Variants in CDH8 observed in about 807,000 individuals in gnomAD.
CDH8 encodes cadherin 8.
CDH8 carries 17 observed loss-of-function variants against 68.1 expected under a neutral mutation model. The ratio of observed to expected loss-of-function variants is 0.25; its 90% confidence interval spans 0.17 to 0.37. The LOEUF is 0.37. Ranked by LOEUF, CDH8 falls within the 10% of genes least tolerant of loss-of-function variation. The probability of loss-of-function intolerance (pLI) is 1.00; values close to 1 mark genes in which losing one functional copy is unlikely to be tolerated. For synonymous variants in CDH8, 372 were observed against 365.1 expected (o/e 1.02, Z -0.21); for missense variants, 763 against 999.3 (o/e 0.76, Z 3.19).
At chr16:61,751,700 G>A (rs1340476394) in intron 8 of CDH8, among the ~76,000 whole-genome samples, 1 of 151,962 alleles carries the variant, frequency 6.6e-6, no homozygotes, top group Non-Finnish European at 1.5e-5. Context: ...TTTTGGTGTC[G>A]CAGGAAACAT....
At chr16:61,799,992 T>C (rs776477514) in intron 7 of CDH8, among the ~76,000 whole-genome samples, 1 of 152,132 alleles carries the variant, frequency 6.6e-6, no homozygotes, top group East Asian at 1.9e-4. Context: ...CACTGTCACC[T>C]TCACTTCCCA....
At chr16:61,864,296 TG>T (rs1255496966) in intron 3 of CDH8, among the ~76,000 whole-genome samples, 4 of 33,376 alleles carry the variant, frequency 1.2e-4, no homozygotes, top group African/African-American at 1.2e-3. Flanking sequence ...GATGTCCGGT[TG>T]GTTGGTTGGT....
chr16:62,018,609 G>A (rs1483272438), intron 2 of CDH8, among the ~76,000 whole-genome samples: 1 of 152,188 alleles, frequency 6.6e-6, no homozygotes, highest in African/African-American at 2.4e-5. Flanking sequence ...ATCCTCCAAG[G>A]CTACACTGTC....
chr16:61,776,829 G>A (rs1395708652), intron 8 of CDH8, among the ~76,000 whole-genome samples: 4 of 151,922 alleles, frequency 2.6e-5, no homozygotes, highest in African/African-American at 7.3e-5. Context: ...CTCTAAAGGT[G>A]CACCAACACA....
chr16:61,982,879 G>T (rs913906433), intron 2 of CDH8, among the ~76,000 whole-genome samples: 2 of 152,168 alleles, frequency 1.3e-5, no homozygotes, highest in Non-Finnish European at 2.9e-5. Flanking sequence ...GAGATTCTCT[G>T]CAGTTGGTAA....
intron 2 of CDH8, among the ~76,000 whole-genome samples, chr16:61,996,861 A>G (rs1216005249): frequency 1.3e-5 from 2 of 152,214 alleles, no homozygotes; most frequent in Non-Finnish European, 2.9e-5. Context: ...CTGGGATTAC[A>G]GGCATGAAAC....
At chr16:61,799,624 T>C (rs1189014805) in intron 7 of CDH8, among the ~76,000 whole-genome samples, 1 of 152,112 alleles carries the variant, frequency 6.6e-6, no homozygotes, top group Admixed American at 6.6e-5. Flanking sequence ...TATTAAATGT[T>C]GGAAAGTTAT....
chr16:61,753,239 CT>C (rs59736911), intron 8 of CDH8, among the ~76,000 whole-genome samples: 223 of 143,820 alleles, frequency 1.6e-3, no homozygotes, highest in Admixed American at 1.9e-3. Context: ...ATATTTCTTT[CT>C]TTTTTTTTTT....
chr16:61,867,295 A>T (rs1014996475), intron 3 of CDH8, among the ~76,000 whole-genome samples: 2 of 151,962 alleles, frequency 1.3e-5, no homozygotes, highest in Non-Finnish European at 2.9e-5. Context: ...CATTGTTTTA[A>T]TTTTTTTTAA....
chr16:61,758,836 T>A (rs1013384732), intron 8 of CDH8, among the ~76,000 whole-genome samples: 1 of 152,176 alleles, frequency 6.6e-6, no homozygotes, highest in African/African-American at 2.4e-5. Context: ...CTCAGAAAGA[T>A]CTGAGGTTTT....
intron 2 of CDH8, among the ~76,000 whole-genome samples, chr16:61,972,910 A>C (rs56057394): frequency 0.02 from 3,056 of 152,254 alleles, 105 homozygotes; most frequent in African/African-American, 0.069. Flanking sequence ...TGCAAAGCTC[A>C]GTTAAGGTTT....
chr16:61,714,576 G>A (rs931828898), intron 9 of CDH8, among the ~76,000 whole-genome samples: 1 of 151,538 alleles, frequency 6.6e-6, no homozygotes, highest in South Asian at 2.1e-4. Context: ...GAATTACCAC[G>A]GTGCAGAGAA....
intron 10 of CDH8, among the ~76,000 whole-genome samples, chr16:61,705,334 T>C (rs775155330): frequency 2.0e-5 from 3 of 152,142 alleles, no homozygotes; most frequent in African/African-American, 4.8e-5. Context: ...CAACCATGCA[T>C]AGGAGCTGGT....
chr16:61,748,450 C>T (rs933092583), intron 8 of CDH8, among the ~76,000 whole-genome samples: 8 of 151,856 alleles, frequency 5.3e-5, no homozygotes, highest in Admixed American at 2.6e-4. Flanking sequence ...CACTTATAGG[C>T]GCTACAGATA....
chr16:61,784,561 T>C (rs1321349861), intron 8 of CDH8, among the ~76,000 whole-genome samples: 3 of 140,396 alleles, frequency 2.1e-5, no homozygotes, highest in Non-Finnish European at 4.6e-5. Flanking sequence ...ACCCAGGAAT[T>C]GAACTCAGCT....
chr16:61,648,312 C>G lies in CDH8; in HGVS notation c.*5296G>C, dbSNP rs16963750. 0.15 allele frequency: 22,207 copies of G among 152,088 alleles called. 1,676 individuals are homozygous for G. The highest frequency in any genetic ancestry group is 0.15 in the African/African-American group (6,412 of 41,428). The allele number at this position is 152,088 out of a possible 1,614,324, so 9.4% of individuals were successfully genotyped here. On this transcript the variant is annotated 3_prime_UTR_variant, in exon 12 of 12. Transcript: ENST00000577390. ...ATCTTTCTGAATGTCCAAAAGTGTG[C>G]CATTGGTGCTTTTTATAATTTTCCC... is the stretch of plus-strand genomic sequence containing the variant.
At chr16:61,722,704 A>C (rs1341444138) in intron 9 of CDH8, among the ~76,000 whole-genome samples, 1 of 150,672 alleles carries the variant, frequency 6.6e-6, no homozygotes, top group Non-Finnish European at 1.5e-5. Flanking sequence ...TGATTCTAAG[A>C]TTTTGTGAAT....
At position 61,652,044 on chromosome 16, in the gene CDH8, A is replaced by G; in HGVS notation, c.*1564T>C. 1.1e-6 allele frequency: 1 copy of G among 875,050 alleles called. No individual in the cohort carries two copies. Among genetic ancestry groups the G allele is most frequent in the Non-Finnish European group, 1.4e-6 (1 of 729,554 alleles). The allele number at this position is 875,050 out of a possible 1,614,324, so 54.2% of individuals were successfully genotyped here. A position where few individuals can be genotyped will look rare whatever the true frequency, so the allele number is the denominator to read the frequency against. On this transcript the variant is annotated 3_prime_UTR_variant, in exon 12 of 12. Transcript: ENST00000577390. ...AAAAATATATTTCACAAAGTAGGAAACAATACAGGAGTTTCTCTGAATACA... is the reference window on the plus strand; with the variant it reads ...AAAAATATATTTCACAAAGTAGGAAGCAATACAGGAGTTTCTCTGAATACA...
At chr16:61,798,030 AAAG>A (rs1961537833) in intron 7 of CDH8, among the ~76,000 whole-genome samples, 1 of 152,162 alleles carries the variant, frequency 6.6e-6, no homozygotes, top group South Asian at 2.1e-4. Context: ...GAACAAAAAA[AAAG>A]AAAATGCTCC....
Sources: gnomAD v4.1 joint callset for allele counts (sites outside exome capture counted in the v4.1 genomes callset) on GRCh38, gnomAD v4.1.1 for gene constraint, MANE v1.5 for transcripts, NCBI Gene and HGNC (gene_info 2026-07-23, HGNC 2026-07-21) for gene names.